Variants in PHACTR4 observed in about 807,000 individuals in gnomAD.
The protein encoded by PHACTR4 is phosphatase and actin regulator 4, also known as protein phosphatase 1, regulatory subunit 124.
Under a neutral mutation model 72.7 loss-of-function variants are expected in PHACTR4, and 51 were observed. The ratio of observed to expected loss-of-function variants is 0.70; its 90% CI spans 0.56 to 0.89. The LOEUF is 0.89. Among genes scored for constraint, PHACTR4 ranks in the 40% least tolerant of loss-of-function variants. The pLI, the probability that PHACTR4 is intolerant of heterozygous loss-of-function variation, is 0.00. For synonymous variants in PHACTR4, 255 were observed against 302.5 expected, an observed-to-expected ratio of 0.84 and a Z score of 1.63; for missense variants, 731 against 861.8, an observed-to-expected ratio of 0.85 and a Z score of 1.90.
In PHACTR4 at chr1:28,396,854, T is replaced by C. The variant is rs1475904840; in HGVS notation, c.-38-10556T>C. ...CTTTCTTTCTTTCTTTCTTTTTTTTTTTTTTTTTTTGTATTTTTAGTAGAG... is the reference window on the plus strand; with the variant it reads ...CTTTCTTTCTTTCTTTCTTTTTTTTCTTTTTTTTTTGTATTTTTAGTAGAG... On this transcript the variant is annotated intron_variant, in intron 1 of 13. Coordinates refer to ENST00000373839, the MANE Select transcript of PHACTR4 (RefSeq NM_001048183.3). Among the ~76,000 whole-genome samples the C allele has an allele frequency of 8.1e-5, 12 of 148,134 alleles. 1 individual carries two copies. Among genetic ancestry groups the C allele is most frequent in the East Asian group, 6.0e-4 (3 of 4,970 alleles).
chr1:28,384,090 G>C (rs979787633), intron 1 of PHACTR4, among the ~76,000 whole-genome samples: 1 of 152,098 alleles, frequency 6.6e-6, no homozygotes, highest in Non-Finnish European at 1.5e-5. Flanking sequence ...TTTTTGCATT[G>C]ATATTCATCA....
chr1:28,487,803 T>A (rs1236443352), intron 9 of PHACTR4, among the ~76,000 whole-genome samples: 1 of 138,124 alleles, frequency 7.2e-6, no homozygotes, highest in Non-Finnish European at 1.5e-5. Flanking sequence ...TAGCATGAGC[T>A]TCAGCTCACT....
At chr1:28,457,948 T>C (rs1658511413) in intron 2 of PHACTR4, 2 of 816,788 alleles carry the variant, frequency 2.4e-6, no homozygotes, top group Non-Finnish European at 3.0e-6. Context: ...TTTAAATTCT[T>C]GGCCCCGCCT....
chr1:28,496,047 G>A, intron 13 of PHACTR4, among the ~76,000 whole-genome samples: 1 of 136,628 alleles, frequency 7.3e-6, no homozygotes, highest in East Asian at 2.4e-4. Flanking sequence ...CAAGAGAAGA[G>A]TTCTTTTTTT....
At chr1:28,433,291 T>C (rs1235383672) in intron 2 of PHACTR4, among the ~76,000 whole-genome samples, 1 of 151,952 alleles carries the variant, frequency 6.6e-6, no homozygotes, top group Non-Finnish European at 1.5e-5. Flanking sequence ...AATTTTAATG[T>C]CATTAGTGTG....
chr1:28,392,991 C>T (rs1653176889), intron 1 of PHACTR4, among the ~76,000 whole-genome samples: 1 of 152,104 alleles, frequency 6.6e-6, no homozygotes, highest in African/African-American at 2.4e-5. Context: ...GGGTGGGAGA[C>T]ATGAACAAAA....
intron 9 of PHACTR4, among the ~76,000 whole-genome samples, chr1:28,482,815 C>G (rs1234547193): frequency 6.6e-6 from 1 of 151,796 alleles, no homozygotes. Flanking sequence ...TGGCACATAC[C>G]TCTAGTCCAG....
intron 1 of PHACTR4, among the ~76,000 whole-genome samples, chr1:28,387,495 A>G (rs1296832525): frequency 6.6e-6 from 1 of 152,188 alleles, no homozygotes; most frequent in Non-Finnish European, 1.5e-5. Flanking sequence ...TTACTTGCAC[A>G]TACCCAATTT....
In PHACTR4 at chr1:28,500,000, G is replaced by C. The variant is rs1661575109; in HGVS notation, c.*3451G>C. ...ACCTTTCTTACCCTTAATGTGCCAA[G>C]CTTGAAACAGGATTTGATTTCCTGA... On this transcript the variant is annotated 3_prime_UTR_variant, in exon 14 of 14. Transcript: ENST00000373839. 6.6e-6 allele frequency: 1 copy of C among 152,130 alleles called. No homozygotes were observed. Among genetic ancestry groups the C allele is most frequent in the East Asian group, 1.9e-4 (1 of 5,198 alleles). The allele number at this position is 152,130 out of a possible 1,614,324, so 9.4% of individuals were successfully genotyped here.
At chr1:28,406,446 G>A (rs999819872) in intron 1 of PHACTR4, among the ~76,000 whole-genome samples, 2 of 152,006 alleles carry the variant, frequency 1.3e-5, no homozygotes, top group African/African-American at 2.4e-5. Context: ...AAAAGCCAAG[G>A]TCCTAAAGAA....
At chr1:28,472,162 G>A (rs984922553) in intron 6 of PHACTR4, among the ~76,000 whole-genome samples, 1 of 150,660 alleles carries the variant, frequency 6.6e-6, no homozygotes, top group Admixed American at 6.6e-5. Context: ...GCAGTGAGCC[G>A]AGATGGCACC....
intron 2 of PHACTR4, among the ~76,000 whole-genome samples, chr1:28,444,184 TATGTTGAGC>T (rs991248400): frequency 6.6e-6 from 1 of 151,770 alleles, no homozygotes; most frequent in Admixed American, 6.6e-5. Flanking sequence ...GATGATTTGT[TATGTTGAGC>T]ATTTAAAAAA....
chr1:28,487,727 GTTTTTT>G (rs780028378), intron 9 of PHACTR4, among the ~76,000 whole-genome samples: 2 of 63,306 alleles, frequency 3.2e-5, no homozygotes, highest in East Asian at 4.4e-4. Flanking sequence ...GTTTTTTGTT[GTTTTTT>G]TTTTTTTTTT....
In PHACTR4 at chr1:28,496,564, A is replaced by C. The variant is rs759011828; in HGVS notation, c.*15A>C. The C allele has an allele frequency of 1.2e-6, 2 of 1,613,706 alleles. No homozygotes were observed. The highest frequency in any genetic ancestry group is 2.2e-5 in the South Asian group (2 of 91,086). ...ATCGTCCATGATGCCAAAGGTTGAGAGAGGAATCAACATGGCTGCTTTGCT... is the reference window on the plus strand; with the variant it reads ...ATCGTCCATGATGCCAAAGGTTGAGCGAGGAATCAACATGGCTGCTTTGCT... On this transcript the variant is annotated 3_prime_UTR_variant, in exon 14 of 14. Coordinates refer to ENST00000373839, the MANE Select transcript of PHACTR4 (RefSeq NM_001048183.3).
At chr1:28,487,250 C>T (rs890229708) in intron 9 of PHACTR4, among the ~76,000 whole-genome samples, 1 of 151,798 alleles carries the variant, frequency 6.6e-6, no homozygotes, top group South Asian at 2.1e-4. Context: ...CCTATAGTCC[C>T]AGCTACTCGG....
intron 1 of PHACTR4, among the ~76,000 whole-genome samples, chr1:28,376,000 C>T (rs1651630106): frequency 1.3e-5 from 2 of 151,796 alleles, no homozygotes; most frequent in Admixed American, 1.3e-4. Flanking sequence ...ACTCGGGAGG[C>T]GGAGGTTGCT....
chr1:28,399,427 T>C (rs1354235012), intron 1 of PHACTR4, among the ~76,000 whole-genome samples: 1 of 152,238 alleles, frequency 6.6e-6, no homozygotes, highest in African/African-American at 2.4e-5. Context: ...TTATTTCTTT[T>C]ACCACTTTTC....
At chr1:28,463,812 A>G (rs568543840) in intron 4 of PHACTR4, among the ~76,000 whole-genome samples, 2 of 152,158 alleles carry the variant, frequency 1.3e-5, no homozygotes, top group East Asian at 3.9e-4. Flanking sequence ...GGCTTACTGT[A>G]CCCTTGACCT....
chr1:28,428,584 A>G (rs1656021632), intron 2 of PHACTR4, among the ~76,000 whole-genome samples: 1 of 152,240 alleles, frequency 6.6e-6, no homozygotes, highest in Non-Finnish European at 1.5e-5. Context: ...TAAAAGTCCA[A>G]CATATTGTAG....
Sources: gnomAD v4.1 joint callset for allele counts (sites outside exome capture counted in the v4.1 genomes callset) on GRCh38, gnomAD v4.1.1 for gene constraint, MANE v1.5 for transcripts, NCBI Gene and HGNC (gene_info 2026-07-23, HGNC 2026-07-21) for gene names.